LOXHD1: variants seen among roughly 807,000 people sequenced by gnomAD.
The protein encoded by LOXHD1 is lipoxygenase homology domain-containing protein 1.
LOXHD1 carries 205 observed loss-of-function variants against 248.2 expected under a neutral mutation model. That is an observed-to-expected ratio of 0.83 (90% CI 0.74 to 0.93). LOXHD1 has a LOEUF of 0.93. LOXHD1 is among the 40% of genes least tolerant of loss of function. The probability of loss-of-function intolerance (pLI) is 0.00; values close to 1 mark genes in which losing one functional copy is unlikely to be tolerated. For synonymous variants in LOXHD1, 1,113 were observed against 1,162.8 expected, an observed-to-expected ratio of 0.96 and a Z score of 0.87; for missense variants, 2,930 against 2,971.6, an observed-to-expected ratio of 0.99 and a Z score of 0.33.
At chr18:46,555,394 G>A in intron 21 of LOXHD1, 1 of 292,410 alleles carries the variant, frequency 3.4e-6, no homozygotes, top group Non-Finnish European at 6.8e-6. Flanking sequence ...CTGTCCTACG[G>A]TCTTTATGTG....
chr18:46,526,974 G>A (rs967751180), intron 29 of LOXHD1, among the ~76,000 whole-genome samples: 9 of 152,186 alleles, frequency 5.9e-5, no homozygotes, highest in African/African-American at 2.2e-4. Context: ...GAAGCTTCTA[G>A]ATGTTCAGCA....
rs1262621960 is a variant in LOXHD1 at position 46,533,224 on chromosome 18, T to C, written c.4313A>G (p.Glu1438Gly). Residue 1438 changes from glutamate (E) to glycine (G), a missense_variant, in exon 28 of 41, where the codon GAG (glutamate) becomes GGG (glycine). Glu to Gly is a moderately conservative substitution (Grantham distance 98). Coordinates refer to ENST00000642948, the MANE Select transcript of LOXHD1 (RefSeq NM_001384474.1). ...TAAGGACCCATCTTTCATGTATTTC[T>C]CAGTGAAGATGTCATATGGAACCAG... ...RELVPYDIFT[E>G]KYMKDGSLRQ... 6.4e-7 allele frequency: 1 copy of C among 1,551,654 alleles called. No individual in the cohort carries two copies. Among genetic ancestry groups the C allele is most frequent in the East Asian group, 2.4e-5 (1 of 40,930 alleles).
chr18:46,645,618 G>A lies in LOXHD1; in HGVS notation c.245+3537C>T, dbSNP rs1197071539. ...CTTCTTCTGGCAGCCACTGCTGTGG[G>A]TGCTTAACTGGGGTGGGGTCGGGGT... On this transcript the variant is annotated intron_variant, in intron 2 of 40. Transcript: ENST00000642948. Among the ~76,000 whole-genome samples, 3 of 150,236 alleles carry A rather than the reference G, an allele frequency of 2.0e-5. No homozygotes were observed. In the East Asian group the frequency reaches 5.8e-4, roughly 29 times the overall value.
rs547036944 is a variant in LOXHD1 at position 46,485,001 on chromosome 18, T to C, written c.6182+18A>G. On this transcript the variant is annotated intron_variant, in intron 39 of 40. Transcript: ENST00000642948. The stretch of plus-strand genomic sequence containing the variant: ...CCTACCCACCCCCCACCACTTCCCA[T>C]GGGCCTCCCCTTCCTACTTCCTAAA... 9 of 1,189,794 alleles carry C rather than the reference T, an allele frequency of 7.6e-6. No individual in the cohort carries two copies. In the African/African-American group the frequency reaches 1.1e-4, roughly 14 times the overall value. 73.7% of individuals were successfully genotyped at this position (1,189,794 alleles called of 1,614,324 possible).
At chr18:46,477,090 T>G, downstream of LOXHD1, 3 of 704,860 alleles carry the variant, frequency 4.3e-6, no homozygotes, top group South Asian at 1.5e-5. Context: ...CTAGCTTTTT[T>G]GGGGAAAAGT....
At chr18:46,486,713 G>A (rs1804052894) in intron 38 of LOXHD1, among the ~76,000 whole-genome samples, 1 of 152,140 alleles carries the variant, frequency 6.6e-6, no homozygotes, top group Admixed American at 6.5e-5. Flanking sequence ...ACGGAGCACT[G>A]GGAACCTGCA....
At chr18:46,642,963 A>G (rs2038981992) in intron 2 of LOXHD1, among the ~76,000 whole-genome samples, 1 of 152,240 alleles carries the variant, frequency 6.6e-6, no homozygotes, top group Admixed American at 6.5e-5. Flanking sequence ...GGAAAATCAT[A>G]GAAGATGTGT....
At chr18:46,481,773 G>GA (rs1227438947) in intron 40 of LOXHD1, among the ~76,000 whole-genome samples, 1 of 152,186 alleles carries the variant, frequency 6.6e-6, no homozygotes, top group Non-Finnish European at 1.5e-5. Flanking sequence ...CTGCAGGATG[G>GA]AAAATTCTAC....
intron 14 of LOXHD1, among the ~76,000 whole-genome samples, chr18:46,574,731 T>C (rs901925693): frequency 2.0e-5 from 3 of 152,130 alleles, no homozygotes; most frequent in African/African-American, 7.2e-5. Context: ...TCAGCACCAC[T>C]GTGTCTTTAA....
intron 6 of LOXHD1, among the ~76,000 whole-genome samples, chr18:46,607,049 C>T (rs1409848394): frequency 6.6e-6 from 1 of 151,826 alleles, no homozygotes; most frequent in African/African-American, 2.4e-5. Context: ...ACCTGTAATC[C>T]CAGCTACTTG....
At chr18:46,551,031 C>T (rs889553192) in intron 21 of LOXHD1, among the ~76,000 whole-genome samples, 1 of 152,080 alleles carries the variant, frequency 6.6e-6, no homozygotes, top group Non-Finnish European at 1.5e-5. Flanking sequence ...CCATTGTCTC[C>T]TCTGGGGGTA....
chr18:46,480,333 A>G (rs1266058604), intron 40 of LOXHD1, among the ~76,000 whole-genome samples: 1 of 151,904 alleles, frequency 6.6e-6, no homozygotes, highest in Admixed American at 6.6e-5. Flanking sequence ...ATTTCACCCA[A>G]CCCTGCACAG....
At chr18:46,630,103 C>T (rs2038800673) in intron 4 of LOXHD1, among the ~76,000 whole-genome samples, 1 of 152,330 alleles carries the variant, frequency 6.6e-6, no homozygotes, top group East Asian at 1.9e-4. Flanking sequence ...GGAATCAGGA[C>T]CCACCTCAAG....
intron 12 of LOXHD1, among the ~76,000 whole-genome samples, chr18:46,587,485 A>G (rs2038083579): frequency 6.6e-6 from 1 of 152,186 alleles, no homozygotes; most frequent in African/African-American, 2.4e-5. Context: ...TTTGGTTGGA[A>G]GTTCTCAAGG....
intron 1 of LOXHD1, among the ~76,000 whole-genome samples, chr18:46,650,025 T>C (rs897696726): frequency 1.3e-5 from 2 of 152,050 alleles, no homozygotes; most frequent in African/African-American, 4.8e-5. Context: ...TCTATACCCA[T>C]TTCCAGAAGC....
At chr18:46,484,899 G>C (rs1232484595) in intron 39 of LOXHD1, 120 bp downstream of exon 39, 1 of 1,231,366 alleles carries the variant, frequency 8.1e-7, no homozygotes, top group Non-Finnish European at 1.1e-6. Flanking sequence ...TAGGTGCTCA[G>C]TAAGTACTTG....
At chr18:46,553,189 C>A (rs2037178696) in intron 21 of LOXHD1, among the ~76,000 whole-genome samples, 1 of 152,212 alleles carries the variant, frequency 6.6e-6, no homozygotes, top group African/African-American at 2.4e-5. Flanking sequence ...AGCCACTTTT[C>A]CATGTTAACT....
chr18:46,492,334 G>T (rs1258527730), intron 37 of LOXHD1, among the ~76,000 whole-genome samples: 2 of 152,206 alleles, frequency 1.3e-5, no homozygotes, highest in African/African-American at 2.4e-5. Context: ...ATAAAGAAAA[G>T]AGGTTTAATT....
intron 14 of LOXHD1, among the ~76,000 whole-genome samples, chr18:46,572,903 G>C (rs945761475): frequency 7.9e-5 from 12 of 151,108 alleles, no homozygotes; most frequent in Admixed American, 6.6e-5. Flanking sequence ...GGCGCCTGTA[G>C]TCCCAGCTAC....
Sources: gnomAD v4.1 joint callset for allele counts (sites outside exome capture counted in the v4.1 genomes callset) on GRCh38, gnomAD v4.1.1 for gene constraint, MANE v1.5 for transcripts, NCBI Gene and HGNC (gene_info 2026-07-23, HGNC 2026-07-21) for gene names.